Variants in NNT observed in about 807,000 individuals in gnomAD.
NNT encodes NAD(P) transhydrogenase, mitochondrial.
Under a neutral mutation model 104.8 loss-of-function variants are expected in NNT, and 50 were observed. The ratio of observed to expected loss-of-function variants is 0.48; its 90% CI spans 0.38 to 0.60. The LOEUF (loss-of-function observed/expected upper bound fraction) is 0.60. Among genes scored for constraint, NNT ranks in the 20% least tolerant of loss-of-function variants. NNT has a pLI of 0.00. For synonymous variants in NNT, 461 were observed against 490.4 expected (o/e 0.94, Z 0.79); for missense variants, 1,131 against 1,330.7 (o/e 0.85, Z 2.33).
chr5:43,689,406 A>G (rs1292930363), intron 19 of NNT, among the ~76,000 whole-genome samples: 1 of 152,100 alleles, frequency 6.6e-6, no homozygotes, highest in Non-Finnish European at 1.5e-5. Context: ...ATTAAGTCCC[A>G]TCTGTTTATC....
intron 7 of NNT, among the ~76,000 whole-genome samples, chr5:43,637,460 G>A (rs1394120949): frequency 6.6e-6 from 1 of 152,136 alleles, no homozygotes. Flanking sequence ...CCATTAGGAT[G>A]CCTTTAGCTG....
At chr5:43,650,316 A>G (rs1400328601) in intron 11 of NNT, among the ~76,000 whole-genome samples, 161 bp from the exon 12 acceptor site, 1 of 152,210 alleles carries the variant, frequency 6.6e-6, no homozygotes, top group African/African-American at 2.4e-5. Context: ...CATAAGCAAA[A>G]TTGTTTATTT....
chr5:43,662,793 T>C (rs1740440658), intron 17 of NNT, among the ~76,000 whole-genome samples: 1 of 151,466 alleles, frequency 6.6e-6, no homozygotes, highest in Non-Finnish European at 1.5e-5. Flanking sequence ...CTTGGGGGGC[T>C]GAGGCAGGAG....
rs1431591882 is a variant in NNT at position 43,649,204 on chromosome 5, T to C, written c.1502T>C (p.Met501Thr). 1 of 1,614,228 alleles carries C rather than the reference T, an allele frequency of 6.2e-7. No homozygotes were observed. Among genetic ancestry groups the C allele is most frequent in the East Asian group, 2.2e-5 (1 of 44,884 alleles). ...IAAPNLAFSQ[M>T]VTTFGLAGIV... Reference sequence around the variant, plus strand: ...GCTCCCAATCTAGCCTTTTCTCAGATGGTGACCACTTTTGGCTTGGCTGGC... The same window carrying C: ...GCTCCCAATCTAGCCTTTTCTCAGACGGTGACCACTTTTGGCTTGGCTGGC... The change falls in exon 11 of 22, where the codon ATG (methionine) becomes ACG (threonine). Residue 501 changes from methionine to threonine, a missense_variant. By Grantham distance (81) the Met-to-Thr change is moderately conservative. Coordinates refer to ENST00000344920, the MANE Select transcript of NNT (RefSeq NM_182977.3).
At chr5:43,692,369 G>A (rs1165754927) in intron 19 of NNT, among the ~76,000 whole-genome samples, 1 of 152,076 alleles carries the variant, frequency 6.6e-6, no homozygotes, top group Non-Finnish European at 1.5e-5. Flanking sequence ...TCTCGCCCAG[G>A]CTGGAGTGCA....
intron 19 of NNT, among the ~76,000 whole-genome samples, chr5:43,690,648 C>G (rs1742220913): frequency 6.6e-6 from 1 of 152,202 alleles, no homozygotes; most frequent in South Asian, 2.1e-4. Flanking sequence ...GCTTCTTGCT[C>G]TTACTAGTGG....
At chr5:43,646,499 G>A (rs952514611) in intron 10 of NNT, among the ~76,000 whole-genome samples, 5 of 148,762 alleles carry the variant, frequency 3.4e-5, no homozygotes, top group African/African-American at 5.0e-5. Flanking sequence ...GGGCTTCACC[G>A]TGTTGCCCAG....
In NNT at chr5:43,656,039, T is replaced by C. The variant is rs1323601274; in HGVS notation, c.2259T>C (p.Phe753=). The change falls in exon 15 of 22, where the codon TTT becomes TTC. Residue 753 remains phenylalanine (F), a synonymous_variant. Transcript: ENST00000344920. ...YLGTYIGGVT[F]SGSLIAYGKL... ...GCACTTACATTGGTGGCGTCACCTTTAGTGGGTCTCTCATTGCCTATGGAA... is the reference window on the plus strand; with the variant it reads ...GCACTTACATTGGTGGCGTCACCTTCAGTGGGTCTCTCATTGCCTATGGAA... 6.2e-7 allele frequency: 1 copy of C among 1,614,194 alleles called. No individual in the cohort carries two copies.
rs1743103997 is a variant in NNT at position 43,706,757 on chromosome 5, G to A, written c.*2353G>A. 6.6e-6 allele frequency: 1 copy of A among 152,188 alleles called. No individual in the cohort carries two copies. The highest frequency in any genetic ancestry group is 2.4e-5 in the African/African-American group (1 of 41,430). 9.4% of individuals were successfully genotyped at this position (152,188 alleles called of 1,614,324 possible). A position where few individuals can be genotyped will look rare whatever the true frequency, so the allele number is the denominator to read the frequency against. ...CAATGATAGACTTGATTAAGAAAAT[G>A]TGCACATATACACCATGGAATACTA... On this transcript the variant is annotated 3_prime_UTR_variant, in exon 22 of 22. Transcript: ENST00000344920.
chr5:43,677,656 G>A (rs749106116), intron 18 of NNT, 69 bp from the exon 19 acceptor site: 23 of 1,357,074 alleles, frequency 1.7e-5, no homozygotes, highest in Non-Finnish European at 2.3e-5. Context: ...TTCATCAAGA[G>A]AGAAGTTGTA....
At chr5:43,673,747 T>C (rs2112085293) in intron 17 of NNT, among the ~76,000 whole-genome samples, 1 of 152,306 alleles carries the variant, frequency 6.6e-6, no homozygotes, top group African/African-American at 2.4e-5. Flanking sequence ...AGCTGGGCAC[T>C]GTGGCTCATT....
At chr5:43,689,870 C>G (rs1236522726) in intron 19 of NNT, among the ~76,000 whole-genome samples, 3 of 151,920 alleles carry the variant, frequency 2.0e-5, no homozygotes, top group Non-Finnish European at 2.9e-5. Flanking sequence ...ATGTAAAATG[C>G]TTTGAGTGTT....
intron 5 of NNT, among the ~76,000 whole-genome samples, chr5:43,619,626 A>G (rs1048744202): frequency 2.0e-5 from 3 of 152,334 alleles, no homozygotes; most frequent in African/African-American, 7.2e-5. Context: ...GGAGCAGTTA[A>G]CGATGAGAGG....
intron 19 of NNT, among the ~76,000 whole-genome samples, chr5:43,699,517 C>G (rs1742740935): frequency 6.6e-6 from 1 of 151,998 alleles, no homozygotes. Context: ...TCATGCCCGG[C>G]TAATTTTTGT....
chr5:43,692,657 A>T (rs1742351821), intron 19 of NNT, among the ~76,000 whole-genome samples: 1 of 152,192 alleles, frequency 6.6e-6, no homozygotes, highest in Admixed American at 6.5e-5. Context: ...AATCTTTATT[A>T]TGATGATTGC....
At chr5:43,680,491 TGTG>T (rs904680427) in intron 19 of NNT, among the ~76,000 whole-genome samples, 4 of 152,194 alleles carry the variant, frequency 2.6e-5, no homozygotes, top group African/African-American at 9.7e-5. Flanking sequence ...AGCATCCAGA[TGTG>T]GTGACATATT....
intron 11 of NNT, among the ~76,000 whole-genome samples, chr5:43,650,260 A>G (rs1739685016): frequency 6.6e-6 from 1 of 152,246 alleles, no homozygotes; most frequent in Admixed American, 6.5e-5. Flanking sequence ...TTCCCACAGT[A>G]GTAATTTCAG....
chr5:43,673,086 G>A (rs1240236004), intron 17 of NNT, among the ~76,000 whole-genome samples: 3 of 152,246 alleles, frequency 2.0e-5, no homozygotes, highest in Non-Finnish European at 4.4e-5. Flanking sequence ...TCTGAGCCAG[G>A]CATGGGCTAT....
rs370075194 is a variant in NNT at position 43,644,320 on chromosome 5, C to T, written c.1093C>T (p.His365Tyr). 1.9e-6 allele frequency: 3 copies of T among 1,613,276 alleles called. No homozygotes were observed. The highest frequency in any genetic ancestry group is 2.5e-6 in the Non-Finnish European group (3 of 1,179,900). The change falls in exon 8 of 22, where the codon CAT becomes TAT. Residue 365 changes from histidine (H) to tyrosine (Y), a missense_variant. Physicochemically the swap from His to Tyr is moderately conservative, Grantham distance 83. Transcript: ENST00000344920. ...CACTAAGCCAGGAGAACTCTACATT[C>T]ATAAGGTATAGCAAGATGCGTTTTC... ...ETTKPGELYI[H>Y]KGITHIGYTD...
Sources: allele counts gnomAD v4.1 joint callset (sites outside exome capture counted in the v4.1 genomes callset), GRCh38; gene constraint gnomAD v4.1.1; transcripts MANE v1.5; gene names NCBI Gene and HGNC (gene_info 2026-07-23, HGNC 2026-07-21).